Variants in PTAFR observed in about 807,000 individuals in gnomAD.
The protein encoded by PTAFR is platelet activating factor receptor.
A neutral mutation model predicts 14.7 loss-of-function variants in PTAFR; 8 were observed. That is an observed-to-expected ratio of 0.54 (90% CI 0.32 to 0.98). The LOEUF (loss-of-function observed/expected upper bound fraction) is 0.98. PTAFR is among the 50% of genes least tolerant of loss of function. PTAFR has a pLI of 0.04. For synonymous variants in PTAFR, 156 were observed against 176.5 expected (o/e 0.88, Z 0.92); for missense variants, 337 against 451.2 (o/e 0.75, Z 2.29).
At chr1:28,184,409 C>G (rs111685993) in intron 1 of PTAFR, among the ~76,000 whole-genome samples, 2 of 151,956 alleles carry the variant, frequency 1.3e-5, no homozygotes, top group Non-Finnish European at 1.5e-5. Context: ...GTTCTTAATA[C>G]AGCAACGCGG....
chr1:28,147,306 T>C lies in PTAFR; in HGVS notation c.*2687A>G, dbSNP rs1415776535. 6.6e-6 allele frequency: 1 copy of C among 151,978 alleles called. No individual in the cohort carries two copies. The highest frequency in any genetic ancestry group is 2.4e-5 in the African/African-American group (1 of 41,368). The allele number at this position is 151,978 out of a possible 1,614,324, so 9.4% of individuals were successfully genotyped here. ...CAGAAGCACTTTCCTCATTCAGAGC[T>C]CTTTTGGCTGCGAGAAACAGACACC... On this transcript the variant is annotated 3_prime_UTR_variant, in exon 2 of 2. Coordinates refer to ENST00000373857, the MANE Select transcript of PTAFR (RefSeq NM_000952.5).
rs552943073 is a variant in PTAFR at position 28,192,357 on chromosome 1, C to T, written c.-39+1365G>A. 5.3e-5 allele frequency among the ~76,000 whole-genome samples: 8 copies of T among 151,722 alleles called. No homozygotes were observed. In the East Asian group the frequency reaches 7.8e-4, roughly 15 times the overall value. ...GGTGGATCACCTGAGGTCAGGAGTTCGAGACCAGCCTGACCAACATGGAGA... is the reference window on the plus strand; with the variant it reads ...GGTGGATCACCTGAGGTCAGGAGTTTGAGACCAGCCTGACCAACATGGAGA... On this transcript the variant is annotated intron_variant, in intron 1 of 1. Coordinates refer to the PTAFR transcript ENST00000305392.
intron 1 of PTAFR, among the ~76,000 whole-genome samples, chr1:28,169,525 C>T (rs995216349): frequency 5.3e-5 from 8 of 152,156 alleles, no homozygotes; most frequent in Non-Finnish European, 1.2e-4. Context: ...ACTCTGGAGT[C>T]AGACTCTGTA....
At chr1:28,153,606 C>T (rs1340555052) in intron 1 of PTAFR, among the ~76,000 whole-genome samples, 1 of 141,428 alleles carries the variant, frequency 7.1e-6, no homozygotes, top group Non-Finnish European at 1.5e-5. Context: ...AAAAAAAATA[C>T]AGGCTAGGCG....
chr1:28,179,841 C>A (rs909163667), upstream of PTAFR, among the ~76,000 whole-genome samples: 11 of 151,704 alleles, frequency 7.3e-5, no homozygotes, highest in Non-Finnish European at 1.3e-4. Flanking sequence ...GAAAATATGT[C>A]CAAATTTGAA....
At chr1:28,164,783 T>C (rs1420560854) in intron 1 of PTAFR, among the ~76,000 whole-genome samples, 1 of 152,190 alleles carries the variant, frequency 6.6e-6, no homozygotes, top group Non-Finnish European at 1.5e-5. Context: ...AGACCTGTCT[T>C]ACAGCCTGAG....
chr1:28,172,026 G>C lies in PTAFR; in HGVS notation c.-39+4566C>G, dbSNP rs1001572553. Reference sequence around the variant, plus strand: ...GTTTTTGTGTGTGTGTTGCGGGGGTGGGGGGTTGAGACTGAATCTCAGTCT... The same window carrying C: ...GTTTTTGTGTGTGTGTTGCGGGGGTCGGGGGTTGAGACTGAATCTCAGTCT... On this transcript the variant is annotated intron_variant, in intron 1 of 1. Transcript: ENST00000373857. Among the ~76,000 whole-genome samples the C allele has an allele frequency of 7.2e-5, 11 of 151,924 alleles. No homozygotes were observed. The East Asian group carries it at 7.8e-4, about 11-fold the overall frequency.
At chr1:28,153,663 G>A (rs537062451) in intron 1 of PTAFR, among the ~76,000 whole-genome samples, 1 of 152,034 alleles carries the variant, frequency 6.6e-6, no homozygotes, top group East Asian at 1.9e-4. Context: ...GCCGAAGCAG[G>A]CACATCACAA....
intron 1 of PTAFR, among the ~76,000 whole-genome samples, chr1:28,184,388 C>T (rs191124002): frequency 3.7e-4 from 57 of 152,142 alleles, no homozygotes; most frequent in Admixed American, 1.2e-3. Flanking sequence ...CCACCGTACC[C>T]GGCCTAGTCT....
rs1278327037 is a variant in PTAFR, at chr1:28,150,720, G to A, written c.302C>T (p.Thr101Ile). 2 of 1,614,050 alleles carry A rather than the reference G, an allele frequency of 1.2e-6. No individual in the cohort carries two copies. The highest frequency in any genetic ancestry group is 1.7e-6 in the Non-Finnish European group (2 of 1,180,036). Residue 101 changes from threonine (T) to isoleucine (I), a missense_variant, in exon 2 of 2, where the codon ACC becomes ATC. Thr to Ile is a moderately conservative substitution (Grantham distance 89). Coordinates refer to ENST00000373857, the MANE Select transcript of PTAFR (RefSeq NM_000952.5). The surrounding 1 kb of genome is among the most constrained non-coding windows in gnomAD (Gnocchi z 6.3). ...NVAGCLFFINTYCSVAFLGVI... is the reference protein window; with the variant it reads ...NVAGCLFFINIYCSVAFLGVI... ...GCCCAGGAAGGCCACAGAGCAGTAG[G>A]TGTTGATGAAGAAAAGGCAGCCAGC...
chr1:28,168,060 G>A (rs1337551384), intron 1 of PTAFR, among the ~76,000 whole-genome samples: 5 of 132,840 alleles, frequency 3.8e-5, no homozygotes, highest in South Asian at 2.5e-4. Flanking sequence ...CCGGGTTCAC[G>A]CCATTCTCCC....
Position 28,147,265 on chromosome 1 carries a change from A to G in PTAFR, c.*2728T>C, listed in dbSNP as rs558972900. On this transcript the variant is annotated 3_prime_UTR_variant, in exon 2 of 2. Transcript: ENST00000373857. ...TACATGAATGACTGAAATTCAGGAGACGCGGGGAGTTAGCACAGAAGCACT... is the reference window on the plus strand; with the variant it reads ...TACATGAATGACTGAAATTCAGGAGGCGCGGGGAGTTAGCACAGAAGCACT... 3.9e-5 allele frequency: 6 copies of G among 152,176 alleles called. No individual in the cohort carries two copies. Among genetic ancestry groups the G allele is most frequent in the African/African-American group, 1.4e-4 (6 of 41,546 alleles). The allele number at this position is 152,176 out of a possible 1,614,324, so 9.4% of individuals were successfully genotyped here.
At chr1:28,158,075 G>A (rs1311180589) in intron 1 of PTAFR, among the ~76,000 whole-genome samples, 9 of 152,198 alleles carry the variant, frequency 5.9e-5, no homozygotes. Context: ...TGAGGCCTCA[G>A]AGAACAGACC....
chr1:28,187,425 G>T (rs1253010578), intron 1 of PTAFR, among the ~76,000 whole-genome samples: 1 of 151,948 alleles, frequency 6.6e-6, no homozygotes, highest in African/African-American at 2.4e-5. Flanking sequence ...ATTCCAAATG[G>T]AATAACAACC....
At chr1:28,174,676 C>T (rs1238774555) in intron 1 of PTAFR, among the ~76,000 whole-genome samples, 1 of 152,220 alleles carries the variant, frequency 6.6e-6, no homozygotes, top group Non-Finnish European at 1.5e-5. Flanking sequence ...ACCGCTTCAT[C>T]ATTCATCTGT....
intron 1 of PTAFR, among the ~76,000 whole-genome samples, chr1:28,165,558 C>T (rs553984646): frequency 1.3e-5 from 2 of 151,856 alleles, no homozygotes; most frequent in African/African-American, 4.8e-5. Context: ...CCGAGACAGG[C>T]GGATCACGAG....
At position 28,150,668 on chromosome 1, in the gene PTAFR, T is replaced by C. The variant is rs1253031717; in HGVS notation, c.354A>G (p.Ala118=). Residue 118 remains alanine, a synonymous_variant, in exon 2 of 2, where the codon GCA becomes GCG. Coordinates refer to ENST00000373857, the MANE Select transcript of PTAFR (RefSeq NM_000952.5). The surrounding 1 kb of genome is among the most constrained non-coding windows in gnomAD (Gnocchi z 6.3). ...LGVITYNRFQ[A]VTRPIKTAQA... Reference sequence around the variant, plus strand: ...GAGCAGTCTTGATGGGCCGAGTTACTGCCTGGAAGCGGTTATAAGTGATGA... The same window carrying C: ...GAGCAGTCTTGATGGGCCGAGTTACCGCCTGGAAGCGGTTATAAGTGATGA... The C allele has an allele frequency of 6.2e-7, 1 of 1,614,020 alleles. No individual in the cohort carries two copies. Among genetic ancestry groups the C allele is most frequent in the Non-Finnish European group, 8.5e-7 (1 of 1,180,040 alleles).
chr1:28,175,833 G>T (rs1336298428), intron 1 of PTAFR, among the ~76,000 whole-genome samples: 1 of 152,062 alleles, frequency 6.6e-6, no homozygotes, highest in African/African-American at 2.4e-5. Context: ...ATCATTATTT[G>T]ACAATTTAGA....
rs145599157 is a variant in PTAFR, at chr1:28,192,193, C to T, written c.-39+1529G>A. ...ACATTAGGCAAGTTTCTTAACCTCT[C>T]TGAGCCTATTTCCATAGTTGTAAAA... On this transcript the variant is annotated intron_variant, in intron 1 of 1. Transcript: ENST00000305392. Among the ~76,000 whole-genome samples, 644 of 152,210 alleles carry T rather than the reference C, an allele frequency of 4.2e-3. 4 individuals carry two copies. The highest frequency in any genetic ancestry group is 0.015 in the African/African-American group (611 of 41,520).
Sources: gnomAD v4.1 joint callset for allele counts (sites outside exome capture counted in the v4.1 genomes callset) on GRCh38, gnomAD v4.1.1 for gene constraint, Gnocchi (gnomAD v3.1) non-coding constraint, MANE v1.5 for transcripts, NCBI Gene and HGNC (gene_info 2026-07-23, HGNC 2026-07-21) for gene names.